Variants in WIPF2 observed in about 807,000 individuals in gnomAD.
The protein encoded by WIPF2 is WAS/WASL-interacting protein family member 2.
Under a neutral mutation model 38.8 loss-of-function variants are expected in WIPF2, and 23 were observed. That is an observed-to-expected ratio of 0.59 (90% CI 0.43 to 0.84). The LOEUF (loss-of-function observed/expected upper bound fraction) is 0.84. Among genes scored for constraint, WIPF2 ranks in the 40% least tolerant of loss-of-function variants. The pLI is 0.00. For synonymous variants in WIPF2, 210 were observed against 223.2 expected, an observed-to-expected ratio of 0.94 and a Z score of 0.53; for missense variants, 574 against 580.5, an observed-to-expected ratio of 0.99 and a Z score of 0.11.
At chr17:40,260,692 T>A in intron 3 of WIPF2, 25 bp downstream of exon 3, 1 of 1,613,488 alleles carries the variant, frequency 6.2e-7, no homozygotes, top group Non-Finnish European at 8.5e-7. Flanking sequence ...CATTTCCTAG[T>A]GAACTGGCAG....
At chr17:40,249,015 C>T (rs1378995021) in intron 1 of WIPF2, among the ~76,000 whole-genome samples, 1 of 151,904 alleles carries the variant, frequency 6.6e-6, no homozygotes, top group Non-Finnish European at 1.5e-5. Flanking sequence ...CAGTTTTTTT[C>T]CCTTTTGGGA....
rs776155027 is a variant in WIPF2, at chr17:40,262,659, TC to T, written c.313+21del. The T allele has an allele frequency of 3.3e-5, 52 of 1,597,602 alleles. No homozygotes were observed. The highest frequency in any genetic ancestry group is 5.4e-5 in the African/African-American group (4 of 74,588). ...TGGTTCAGGTATCTGATGAGTACTT[TC>T]CCAGGGTATTTCCCTGGTGTGTTAA... On this transcript the variant is annotated intron_variant, in intron 4 of 7. Transcript: ENST00000323571.
intron 1 of WIPF2, among the ~76,000 whole-genome samples, chr17:40,225,742 C>CCAGGCT (rs928882555): frequency 2.3e-4 from 35 of 152,066 alleles, no homozygotes; most frequent in African/African-American, 7.7e-4. Context: ...CTCGACCTCC[C>CCAGGCT]CAGGCTCAGG....
intron 1 of WIPF2, among the ~76,000 whole-genome samples, chr17:40,238,241 T>G (rs529415346): frequency 6.6e-6 from 1 of 152,280 alleles, no homozygotes; most frequent in African/African-American, 2.4e-5. Flanking sequence ...ATTCTTATCT[T>G]TCGTGTTAGA....
In WIPF2 at chr17:40,278,481, A is replaced by G; in HGVS notation, c.*256A>G. The G allele has an allele frequency of 4.0e-6, 2 of 496,188 alleles. No individual in the cohort carries two copies. Among genetic ancestry groups the G allele is most frequent in the Non-Finnish European group, 7.2e-6 (2 of 277,612 alleles). The allele number at this position is 496,188 out of a possible 1,614,324, so 30.7% of individuals were successfully genotyped here. ...TCCTCCAGCAAGCCCTGCTAGCCACATGAGGAACAAGTTTCCGTGTCTTCT... is the reference window on the plus strand; with the variant it reads ...TCCTCCAGCAAGCCCTGCTAGCCACGTGAGGAACAAGTTTCCGTGTCTTCT... On this transcript the variant is annotated 3_prime_UTR_variant, in exon 8 of 8. Coordinates refer to ENST00000323571, the MANE Select transcript of WIPF2 (RefSeq NM_133264.5).
At chr17:40,256,693 G>T (rs1260963641) in intron 2 of WIPF2, among the ~76,000 whole-genome samples, 171 bp downstream of exon 2, 10 of 151,834 alleles carry the variant, frequency 6.6e-5, no homozygotes, top group Admixed American at 6.6e-4. Context: ...GTTATTCCTA[G>T]TATTAAAGGA....
intron 1 of WIPF2, among the ~76,000 whole-genome samples, chr17:40,227,291 G>A (rs2030536259): frequency 6.6e-6 from 1 of 151,090 alleles, no homozygotes; most frequent in Admixed American, 6.6e-5. Flanking sequence ...TGCCTGCCTC[G>A]GCCTTCCAAA....
At chr17:40,270,714 TC>T (rs1281392517) in intron 5 of WIPF2, among the ~76,000 whole-genome samples, 24 of 152,108 alleles carry the variant, frequency 1.6e-4, no homozygotes, top group Admixed American at 4.6e-4. Context: ...AGATTTGGAA[TC>T]AAAACAAGGC....
At chr17:40,266,691 A>G (rs2032098392) in intron 5 of WIPF2, among the ~76,000 whole-genome samples, 1 of 152,198 alleles carries the variant, frequency 6.6e-6, no homozygotes, top group Non-Finnish European at 1.5e-5. Flanking sequence ...TCCCATCCCA[A>G]GATGGGAGAC....
chr17:40,245,035 A>G (rs2031316218), intron 1 of WIPF2, among the ~76,000 whole-genome samples: 1 of 152,150 alleles, frequency 6.6e-6, no homozygotes, highest in Non-Finnish European at 1.5e-5. Context: ...AGTCCCAGCT[A>G]CTGGGGAGGC....
At chr17:40,229,992 G>T (rs2030672680) in intron 1 of WIPF2, among the ~76,000 whole-genome samples, 1 of 152,166 alleles carries the variant, frequency 6.6e-6, no homozygotes, top group Non-Finnish European at 1.5e-5. Flanking sequence ...AGCTTAGGGA[G>T]TGAAAAACAG....
intron 1 of WIPF2, among the ~76,000 whole-genome samples, chr17:40,234,440 C>A (rs118098575): frequency 0.12 from 18,643 of 150,622 alleles, 1,242 homozygotes; most frequent in East Asian, 0.29. Flanking sequence ...TCAAAACAAA[C>A]AAACAAACAA....
At chr17:40,260,170 T>TAATC (rs2031850971) in intron 2 of WIPF2, among the ~76,000 whole-genome samples, 1 of 146,366 alleles carries the variant, frequency 6.8e-6, no homozygotes. Context: ...AAGCTTGTGA[T>TAATC]AAAGGGAACT....
At chr17:40,270,900 G>GTGTGTGTGTGTGTGTC (rs1317581970) in intron 5 of WIPF2, among the ~76,000 whole-genome samples, 3 of 151,986 alleles carry the variant, frequency 2.0e-5, no homozygotes, top group African/African-American at 7.3e-5. Flanking sequence ...GTGTGTGTGT[G>GTGTGTGTGTGTGTGTC]TATGTTATTC....
intron 1 of WIPF2, among the ~76,000 whole-genome samples, chr17:40,233,974 A>G (rs1334985504): frequency 6.6e-6 from 1 of 151,434 alleles, no homozygotes; most frequent in Non-Finnish European, 1.5e-5. Flanking sequence ...GAGGCAGGAG[A>G]ATTGCCTGAA....
rs896400409 is a variant in WIPF2, at chr17:40,260,637, A to G, written c.166A>G (p.Ile56Val). The change falls in exon 3 of 8, where the codon ATT becomes GTT. Residue 56 changes from isoleucine to valine, a missense_variant. By Grantham distance (29) the Ile-to-Val change is conservative (BLOSUM62 3). Coordinates refer to ENST00000323571, the MANE Select transcript of WIPF2 (RefSeq NM_133264.5). ...KGTKLKKVTN[I>V]NDRSAPILEK... is the part of the protein sequence containing the mutation. ...GACCAAGCTGAAGAAGGTGACCAAC[A>G]TTAATGATCGGAGTGCTCCCATCCT... The G allele has an allele frequency of 3.7e-6, 6 of 1,613,796 alleles. No homozygotes were observed. Among genetic ancestry groups the G allele is most frequent in the Non-Finnish European group, 5.1e-6 (6 of 1,179,978 alleles).
At chr17:40,255,953 G>A (rs1002882083) in intron 1 of WIPF2, among the ~76,000 whole-genome samples, 2 of 151,982 alleles carry the variant, frequency 1.3e-5, no homozygotes, top group South Asian at 2.1e-4. Context: ...TTAGCTGGGC[G>A]TAATGACATG....
chr17:40,277,456 C>T (rs749897007), intron 7 of WIPF2, among the ~76,000 whole-genome samples: 29 of 151,932 alleles, frequency 1.9e-4, no homozygotes, highest in African/African-American at 4.6e-4. Flanking sequence ...CTGAGGTGGG[C>T]GGATCATGAG....
intron 1 of WIPF2, among the ~76,000 whole-genome samples, chr17:40,244,534 C>T (rs2031294994): frequency 6.6e-6 from 1 of 152,126 alleles, no homozygotes; most frequent in Non-Finnish European, 1.5e-5. Flanking sequence ...TGAGATTAAG[C>T]CAGGAGATCA....
Sources: gnomAD v4.1 joint callset for allele counts (sites outside exome capture counted in the v4.1 genomes callset) on GRCh38, gnomAD v4.1.1 for gene constraint, MANE v1.5 for transcripts, NCBI Gene and HGNC (gene_info 2026-07-23, HGNC 2026-07-21) for gene names.